Variants in KATNAL2 observed in about 807,000 individuals in gnomAD.
KATNAL2 encodes the protein katanin p60 ATPase-containing subunit A-like 2.
Under a neutral mutation model 76.3 loss-of-function variants are expected in KATNAL2, and 52 were observed. The ratio of observed to expected loss-of-function variants is 0.68; its 90% confidence interval spans 0.55 to 0.86. KATNAL2 has a LOEUF of 0.86. Ranked by LOEUF, KATNAL2 falls within the 40% of genes least tolerant of loss-of-function variation. The pLI is 0.00. For synonymous variants in KATNAL2, 243 were observed against 244.2 expected (o/e 1.00, Z 0.05); for missense variants, 660 against 668.9 (o/e 0.99, Z 0.15).
intron 3 of KATNAL2, among the ~76,000 whole-genome samples, chr18:46,967,842 C>G (rs2060177338): frequency 1.7e-5 from 2 of 115,172 alleles, no homozygotes; most frequent in Admixed American, 1.6e-4. Context: ...TGATTCTTTG[C>G]CGTGCTTAGT....
At chr18:47,035,264 T>C (rs1744490837) in intron 3 of KATNAL2, 1 of 1,612,588 alleles carries the variant, frequency 6.2e-7, no homozygotes. Flanking sequence ...CCTGCCGCCA[T>C]CTCACCAGAG....
At chr18:46,920,279 A>G in intron 1 of KATNAL2, 2 of 370,884 alleles carry the variant, frequency 5.4e-6, no homozygotes, top group Non-Finnish European at 1.1e-5. Flanking sequence ...GGCTTTGCCA[A>G]GTAGATCAAG....
chr18:47,064,461 G>T (rs1439899869), intron 10 of KATNAL2, among the ~76,000 whole-genome samples: 1 of 152,158 alleles, frequency 6.6e-6, no homozygotes, highest in East Asian at 1.9e-4. Context: ...AGTACCCAGG[G>T]CTGAGAACAC....
rs568469248 is a variant in KATNAL2, at chr18:46,923,846, T to C, written c.-510+5920T>C. Among the ~76,000 whole-genome samples the C allele has an allele frequency of 7.2e-5, 11 of 152,376 alleles. 1 individual carries two copies. The highest frequency in any genetic ancestry group is 2.0e-4 in the Admixed American group (3 of 15,312). On this transcript the variant is annotated intron_variant, in intron 1 of 17. Coordinates refer to ENST00000683218, the MANE Select transcript of KATNAL2 (RefSeq NM_001387690.1). ...GCCAGTGATGATGAGCATTTTTTCA[T>C]GTGTCTTTTGGCTGCATAAATGTCT...
intron 1 of KATNAL2, among the ~76,000 whole-genome samples, chr18:46,925,634 A>C (rs552611553): frequency 6.6e-6 from 1 of 152,000 alleles, no homozygotes; most frequent in Admixed American, 6.6e-5. Context: ...TTTTCTATTG[A>C]TTGGAATAGT....
chr18:46,922,619 C>T (rs1372460430), intron 1 of KATNAL2, among the ~76,000 whole-genome samples: 2 of 151,714 alleles, frequency 1.3e-5, no homozygotes, highest in Non-Finnish European at 2.9e-5. Context: ...CGTGGTGAAA[C>T]CTCATGTCTA....
At chr18:47,070,165 T>G (rs1013740131) in intron 13 of KATNAL2, among the ~76,000 whole-genome samples, 1 of 151,390 alleles carries the variant, frequency 6.6e-6, no homozygotes, top group Non-Finnish European at 1.5e-5. Flanking sequence ...GGTGCGATCT[T>G]GGCTCACTGC....
At chr18:47,034,253 C>G (rs1214187884) in intron 3 of KATNAL2, 2 of 1,614,004 alleles carry the variant, frequency 1.2e-6, no homozygotes, top group Non-Finnish European at 1.7e-6. Flanking sequence ...GAAAGCTGCT[C>G]TTTCTCCTCG....
intron 15 of KATNAL2, 118 bp from the exon 16 acceptor site, chr18:47,099,125 G>C (rs2063368650): frequency 3.1e-6 from 3 of 954,032 alleles, no homozygotes; most frequent in East Asian, 2.5e-5. Flanking sequence ...CATAGATGTA[G>C]AGTGACAGTT....
At chr18:47,079,125 A>ACTT (rs1178639396) in intron 15 of KATNAL2, among the ~76,000 whole-genome samples, 1 of 152,122 alleles carries the variant, frequency 6.6e-6, no homozygotes, top group Non-Finnish European at 1.5e-5. Context: ...ACCCCCTGCC[A>ACTT]CTTCTTTGCT....
In KATNAL2 at chr18:47,086,312, C is replaced by CT. The variant is rs530430116; in HGVS notation, c.1211+8860dup. Among the ~76,000 whole-genome samples the CT allele has an allele frequency of 6.1e-3, 923 of 151,400 alleles. 9 individuals are homozygous for CT. Among genetic ancestry groups the CT allele is most frequent in the African/African-American group, 0.019 (803 of 41,238 alleles). Reference sequence around the variant, plus strand: ...AATTGCCTTCAGTCCTGCCTGTAGGCTTTTTTTTTATTTGGAGACAGAGTC... The same window carrying CT: ...AATTGCCTTCAGTCCTGCCTGTAGGCTTTTTTTTTTATTTGGAGACAGAGTC... On this transcript the variant is annotated intron_variant, in intron 15 of 17. Coordinates refer to ENST00000683218, the MANE Select transcript of KATNAL2 (RefSeq NM_001387690.1).
chr18:46,919,953 A>G (rs878855773), intron 1 of KATNAL2: 1 of 676,878 alleles, frequency 1.5e-6, no homozygotes, highest in South Asian at 1.5e-5. Flanking sequence ...GAATAGACGA[A>G]TAGAGTACAA....
intron 3 of KATNAL2, among the ~76,000 whole-genome samples, chr18:47,031,429 G>T (rs1206239869): frequency 4.0e-5 from 6 of 151,706 alleles, no homozygotes; most frequent in Non-Finnish European, 8.8e-5. Flanking sequence ...CTTTCTTTTT[G>T]TGTGTGTTGT....
intron 3 of KATNAL2, among the ~76,000 whole-genome samples, chr18:46,961,197 A>C (rs912625139): frequency 9.5e-5 from 14 of 147,816 alleles, no homozygotes; most frequent in East Asian, 2.0e-4. Flanking sequence ...GCTCCAGGCC[A>C]TCTGGCTATT....
chr18:46,921,220 C>A (rs1344021574), intron 1 of KATNAL2, among the ~76,000 whole-genome samples: 2 of 152,202 alleles, frequency 1.3e-5, no homozygotes, highest in African/African-American at 2.4e-5. Context: ...CTCTGCCCCC[C>A]CGAATTTAAG....
chr18:47,062,881 T>A, intron 8 of KATNAL2, 91 bp from the exon 9 acceptor site: 1 of 962,164 alleles, frequency 1.0e-6, no homozygotes, highest in Non-Finnish European at 1.6e-6. Context: ...TACCAGGGTC[T>A]ATAAATGTGT....
intron 1 of KATNAL2, among the ~76,000 whole-genome samples, chr18:46,929,238 C>A (rs1599323108): frequency 6.6e-6 from 1 of 150,502 alleles, no homozygotes; most frequent in Non-Finnish European, 1.5e-5. Context: ...TATTTCAATT[C>A]TTTTTTTGTT....
chr18:46,929,918 G>T (rs1568980586), intron 1 of KATNAL2, among the ~76,000 whole-genome samples: 1 of 152,056 alleles, frequency 6.6e-6, no homozygotes, highest in Non-Finnish European at 1.5e-5. Flanking sequence ...GGGATTACAG[G>T]CGCATGCCAC....
At chr18:46,949,239 T>A (rs191727414) in intron 3 of KATNAL2, among the ~76,000 whole-genome samples, 1 of 152,044 alleles carries the variant, frequency 6.6e-6, no homozygotes, top group Non-Finnish European at 1.5e-5. Flanking sequence ...CTCCTTCTCC[T>A]TTTCCTTTTC....
Sources: gnomAD v4.1 joint callset for allele counts (sites outside exome capture counted in the v4.1 genomes callset) on GRCh38, gnomAD v4.1.1 for gene constraint, MANE v1.5 for transcripts, NCBI Gene and HGNC (gene_info 2026-07-23, HGNC 2026-07-21) for gene names.